Variants in POLD3 observed in about 807,000 individuals in gnomAD.
POLD3 encodes DNA polymerase delta subunit 3.
POLD3 carries 19 observed loss-of-function variants against 58.2 expected under a neutral mutation model. That is an observed-to-expected ratio of 0.33 (90% confidence interval 0.23 to 0.48). The LOEUF is 0.48. Among genes scored for constraint, POLD3 ranks in the 20% least tolerant of loss-of-function variants. POLD3 has a pLI of 0.99. For synonymous variants in POLD3, 172 were observed against 193.5 expected, an observed-to-expected ratio of 0.89 and a Z score of 0.92; for missense variants, 504 against 545.5, an observed-to-expected ratio of 0.92 and a Z score of 0.76.
At chr11:74,595,697 G>T (rs1309558581) in intron 2 of POLD3, among the ~76,000 whole-genome samples, 1 of 152,128 alleles carries the variant, frequency 6.6e-6, no homozygotes, top group African/African-American at 2.4e-5. Flanking sequence ...GCCCACTGCA[G>T]CCTTGACTTC....
intron 4 of POLD3, among the ~76,000 whole-genome samples, chr11:74,655,450 A>G (rs1323406853): frequency 6.6e-6 from 1 of 152,258 alleles, no homozygotes; most frequent in Non-Finnish European, 1.5e-5. Context: ...AACCAATACT[A>G]TGAAATATTC....
chr11:74,626,195 C>T (rs1161158734), intron 8 of POLD3, among the ~76,000 whole-genome samples: 1 of 152,124 alleles, frequency 6.6e-6, no homozygotes, highest in Non-Finnish European at 1.5e-5. Flanking sequence ...TCGTTGAAAA[C>T]ATCAACAAAA....
At chr11:74,643,674 A>C (rs1489926094), downstream of POLD3, among the ~76,000 whole-genome samples, 1 of 152,136 alleles carries the variant, frequency 6.6e-6, no homozygotes, top group African/African-American at 2.4e-5. Context: ...TAGGGAGGAA[A>C]ATGTATTCAG....
chr11:74,633,987 A>G (rs1004510305), intron 9 of POLD3, among the ~76,000 whole-genome samples: 3 of 152,208 alleles, frequency 2.0e-5, no homozygotes, highest in Non-Finnish European at 4.4e-5. Flanking sequence ...ATTAAAAGTA[A>G]CCCTTAGGTC....
intron 11 of POLD3, among the ~76,000 whole-genome samples, chr11:74,636,674 T>C (rs2032759510): frequency 6.6e-6 from 1 of 152,212 alleles, no homozygotes; most frequent in African/African-American, 2.4e-5. Flanking sequence ...GCTTTTTTTT[T>C]TCTAGAATAT....
intron 4 of POLD3, among the ~76,000 whole-genome samples, chr11:74,654,518 T>C (rs931540402): frequency 6.6e-6 from 1 of 152,222 alleles, no homozygotes; most frequent in African/African-American, 2.4e-5. Context: ...GAAAATCCTC[T>C]TTAAAAAGAA....
chr11:74,607,248 T>TATGTA (rs1565114139), intron 3 of POLD3, among the ~76,000 whole-genome samples: 34 of 95,978 alleles, frequency 3.5e-4, no homozygotes, highest in African/African-American at 1.4e-3. Flanking sequence ...TATTATATAT[T>TATGTA]TATTTATTTA....
chr11:74,642,199 A>C lies in POLD3; in HGVS notation c.*1433A>C, dbSNP rs2032931085. Reference sequence around the variant, plus strand: ...TTAACATGAGCTTCTTTAGCAACCAAGCATGAACTTGATTAAGACCAGAAG... The same window carrying C: ...TTAACATGAGCTTCTTTAGCAACCACGCATGAACTTGATTAAGACCAGAAG... On this transcript the variant is annotated 3_prime_UTR_variant, in exon 12 of 12. Transcript: ENST00000263681. The C allele has an allele frequency of 1.4e-5, 14 of 985,372 alleles. No individual in the cohort carries two copies. Among genetic ancestry groups the C allele is most frequent in the Non-Finnish European group, 1.6e-5 (13 of 829,966 alleles). 61.0% of individuals were successfully genotyped at this position (985,372 alleles called of 1,614,324 possible). A position where few individuals can be genotyped will look rare whatever the true frequency, so the allele number is the denominator to read the frequency against.
intron 7 of POLD3, 129 bp downstream of exon 7, chr11:74,620,218 C>G (rs1337336619): frequency 2.9e-6 from 2 of 700,456 alleles, no homozygotes; most frequent in Non-Finnish European, 5.1e-6. Context: ...TAACAAATTT[C>G]CAGTGTACTG....
At chr11:74,646,140 T>A (rs2032996431), downstream of POLD3, among the ~76,000 whole-genome samples, 1 of 152,012 alleles carries the variant, frequency 6.6e-6, no homozygotes, top group East Asian at 1.9e-4. Flanking sequence ...ACCTGGCTAA[T>A]TTTTGTATTT....
At chr11:74,662,195 T>C (rs909737880) in intron 4 of POLD3, among the ~76,000 whole-genome samples, 1 of 152,204 alleles carries the variant, frequency 6.6e-6, no homozygotes, top group Non-Finnish European at 1.5e-5. Context: ...GGCAAGCTGG[T>C]TACTTAAGTG....
chr11:74,640,210 T>A (rs1305443041), intron 11 of POLD3, among the ~76,000 whole-genome samples: 1 of 152,142 alleles, frequency 6.6e-6, no homozygotes, highest in African/African-American at 2.4e-5. Flanking sequence ...GTGTTTAAGA[T>A]ATAGACAATT....
intron 10 of POLD3, among the ~76,000 whole-genome samples, chr11:74,635,116 A>G (rs892056234): frequency 6.6e-6 from 1 of 152,168 alleles, no homozygotes; most frequent in African/African-American, 2.4e-5. Flanking sequence ...AAAACTGTCA[A>G]CCAAAGGGGA....
intron 7 of POLD3, among the ~76,000 whole-genome samples, chr11:74,623,741 A>G (rs1445632285): frequency 6.6e-6 from 1 of 152,250 alleles, no homozygotes; most frequent in Non-Finnish European, 1.5e-5. Flanking sequence ...TTTCTTGAGT[A>G]TAAAAAGGAA....
At chr11:74,600,338 A>G (rs1415355173) in intron 2 of POLD3, among the ~76,000 whole-genome samples, 2 of 152,142 alleles carry the variant, frequency 1.3e-5, no homozygotes, top group East Asian at 1.9e-4. Context: ...TAATCCTAGC[A>G]CTTTGGGAGG....
intron 3 of POLD3, among the ~76,000 whole-genome samples, chr11:74,608,404 AACCACGGC>A (rs560945406): frequency 2.4e-4 from 37 of 152,270 alleles, no homozygotes; most frequent in Admixed American, 5.2e-4. Flanking sequence ...TACAGGCATG[AACCACGGC>A]ACCTGGCCTT....
chr11:74,628,148 G>A (rs1433970), intron 8 of POLD3, among the ~76,000 whole-genome samples: 146 of 151,874 alleles, frequency 9.6e-4, no homozygotes, highest in African/African-American at 3.2e-3. Flanking sequence ...GCATAAACCC[G>A]TTCATTATAT....
intron 4 of POLD3, among the ~76,000 whole-genome samples, chr11:74,666,996 G>C (rs1314035294): frequency 6.6e-6 from 1 of 151,026 alleles, no homozygotes; most frequent in Non-Finnish European, 1.5e-5. Flanking sequence ...GACACCTGGA[G>C]CATCAATGGG....
At position 74,619,339 on chromosome 11, in the gene POLD3, T is replaced by G. The variant is rs78610512; in HGVS notation, c.660+535T>G. Among the ~76,000 whole-genome samples the G allele has an allele frequency of 7.3e-3, 1,104 of 151,818 alleles. 8 individuals carry two copies. Among genetic ancestry groups the G allele is most frequent in the Non-Finnish European group, 0.012 (799 of 67,982 alleles). ...TATCATTAAGATACTATTTTAAAAATCCAGAAAAGCATAATTATTGTTGTT... is the reference window on the plus strand; with the variant it reads ...TATCATTAAGATACTATTTTAAAAAGCCAGAAAAGCATAATTATTGTTGTT... On this transcript the variant is annotated intron_variant, in intron 6 of 11. Transcript: ENST00000263681.
Sources: gnomAD v4.1 joint callset for allele counts (sites outside exome capture counted in the v4.1 genomes callset) on GRCh38, gnomAD v4.1.1 for gene constraint, MANE v1.5 for transcripts, NCBI Gene and HGNC (gene_info 2026-07-23, HGNC 2026-07-21) for gene names.